Variants in AGBL4 observed in about 807,000 individuals in gnomAD.
AGBL4 encodes AGBL carboxypeptidase 4.
Under a neutral mutation model 66.4 loss-of-function variants are expected in AGBL4, and 58 were observed. That is an observed-to-expected ratio of 0.87 (90% CI 0.71 to 1.09). The LOEUF (loss-of-function observed/expected upper bound fraction) is 1.09. Ranked by LOEUF, AGBL4 falls within the 50% of genes least tolerant of loss-of-function variation. AGBL4 has a pLI of 0.00. For synonymous variants in AGBL4, 234 were observed against 222.9 expected (o/e 1.05, Z -0.44); for missense variants, 579 against 631.0 (o/e 0.92, Z 0.88).
At chr1:49,739,506 C>T (rs1650226598) in intron 2 of AGBL4, among the ~76,000 whole-genome samples, 1 of 152,138 alleles carries the variant, frequency 6.6e-6, no homozygotes, top group Non-Finnish European at 1.5e-5. Flanking sequence ...GGAGAACTTC[C>T]CCAATCTAGC....
chr1:49,671,523 A>C (rs1646475945), intron 3 of AGBL4, among the ~76,000 whole-genome samples: 1 of 152,242 alleles, frequency 6.6e-6, no homozygotes, highest in African/African-American at 2.4e-5. Flanking sequence ...ACAGCAAAAG[A>C]AGCTATCAAC....
At chr1:48,728,310 CCT>C (rs1259162459) in intron 6 of AGBL4, among the ~76,000 whole-genome samples, 1 of 152,062 alleles carries the variant, frequency 6.6e-6, no homozygotes, top group African/African-American at 2.4e-5. Context: ...CTCCCAAGCA[CCT>C]GCAGGCCCCT....
At chr1:49,446,443 T>A (rs934645021) in intron 3 of AGBL4, among the ~76,000 whole-genome samples, 1 of 152,194 alleles carries the variant, frequency 6.6e-6, no homozygotes, top group Non-Finnish European at 1.5e-5. Context: ...TATTATTTCC[T>A]TGGCTGTAAA....
intron 6 of AGBL4, among the ~76,000 whole-genome samples, chr1:48,768,797 T>C (rs999229815): frequency 2.0e-5 from 3 of 152,178 alleles, no homozygotes; most frequent in Non-Finnish European, 4.4e-5. Context: ...GTTTAAAGTT[T>C]TTCATCTATA....
At chr1:49,011,853 G>A (rs1032991918) in intron 5 of AGBL4, among the ~76,000 whole-genome samples, 1 of 129,436 alleles carries the variant, frequency 7.7e-6, no homozygotes, top group Non-Finnish European at 1.6e-5. Context: ...GACACAGGAA[G>A]GGGAACATCA....
intron 8 of AGBL4, among the ~76,000 whole-genome samples, chr1:48,644,148 G>C (rs1196235790): frequency 1.3e-5 from 2 of 152,040 alleles, no homozygotes; most frequent in African/African-American, 4.8e-5. Flanking sequence ...AAAACACTTA[G>C]AATAGTGTCT....
At chr1:49,501,918 C>A (rs1570889981) in intron 3 of AGBL4, among the ~76,000 whole-genome samples, 1 of 151,898 alleles carries the variant, frequency 6.6e-6, no homozygotes, top group East Asian at 1.9e-4. Context: ...GTCAATTTTC[C>A]AAAATTTCTC....
chr1:49,123,434 A>G (rs1336827089), intron 4 of AGBL4, among the ~76,000 whole-genome samples: 6 of 152,210 alleles, frequency 3.9e-5, no homozygotes, highest in Non-Finnish European at 1.5e-5. Flanking sequence ...TACACAGAAA[A>G]TAGCCTAAAA....
chr1:49,316,205 C>T (rs1645036385), intron 3 of AGBL4, among the ~76,000 whole-genome samples: 1 of 151,912 alleles, frequency 6.6e-6, no homozygotes, highest in Admixed American at 6.6e-5. Context: ...TGTTATCATA[C>T]ATTTGTTAAA....
chr1:49,804,524 C>T (rs1644934092), intron 2 of AGBL4, among the ~76,000 whole-genome samples: 1 of 152,138 alleles, frequency 6.6e-6, no homozygotes, highest in Non-Finnish European at 1.5e-5. Context: ...GCAAGTAATT[C>T]ACACTATACT....
chr1:49,603,226 G>A (rs1012677731), intron 3 of AGBL4, among the ~76,000 whole-genome samples: 3 of 152,050 alleles, frequency 2.0e-5, no homozygotes, highest in Non-Finnish European at 2.9e-5. Context: ...TATTATATAG[G>A]GACTGTCCAC....
chr1:49,686,624 A>C (rs1008215666), intron 3 of AGBL4, among the ~76,000 whole-genome samples: 1 of 152,244 alleles, frequency 6.6e-6, no homozygotes, highest in Non-Finnish European at 1.5e-5. Context: ...ATAGAAAATA[A>C]GCTTCTCCAG....
chr1:48,688,144 G>A (rs1646564369), intron 6 of AGBL4, among the ~76,000 whole-genome samples: 1 of 152,152 alleles, frequency 6.6e-6, no homozygotes, highest in Admixed American at 6.5e-5. Flanking sequence ...AGAGAAGGAG[G>A]GAGGAAGAGA....
chr1:49,741,984 C>T (rs185279388), intron 2 of AGBL4, among the ~76,000 whole-genome samples: 5 of 152,254 alleles, frequency 3.3e-5, no homozygotes, highest in Admixed American at 3.3e-4. Flanking sequence ...CCTTTGAAAA[C>T]TGGCACAAGA....
Position 48,749,341 on chromosome 1 carries a change from C to T in AGBL4, c.635-86100G>A, listed in dbSNP as rs888084896. 2.6e-5 allele frequency among the ~76,000 whole-genome samples: 4 copies of T among 152,206 alleles called. 1 individual carries two copies. Among genetic ancestry groups the T allele is most frequent in the African/African-American group, 9.7e-5 (4 of 41,450 alleles). On this transcript the variant is annotated intron_variant, in intron 6 of 13. Coordinates refer to ENST00000371839, the MANE Select transcript of AGBL4 (RefSeq NM_032785.4). ...CGAGGGGATGTTCCTGCTATATCCC[C>T]AGCACCCAGCGCAATGTCCTCCATA...
intron 3 of AGBL4, among the ~76,000 whole-genome samples, chr1:49,593,473 T>C (rs922360219): frequency 6.6e-6 from 1 of 152,058 alleles, no homozygotes; most frequent in Non-Finnish European, 1.5e-5. Context: ...ATACATAAAC[T>C]CTATATACCA....
intron 4 of AGBL4, among the ~76,000 whole-genome samples, chr1:49,087,963 T>G (rs907032166): frequency 6.6e-6 from 1 of 152,134 alleles, no homozygotes; most frequent in African/African-American, 2.4e-5. Context: ...AAATTCTACT[T>G]AAGAGTTTTA....
At chr1:48,800,805 C>T (rs1277455725) in intron 6 of AGBL4, among the ~76,000 whole-genome samples, 2 of 152,170 alleles carry the variant, frequency 1.3e-5, no homozygotes, top group African/African-American at 2.4e-5. Context: ...GGGACGTAAG[C>T]TTGCCCTAAT....
intron 3 of AGBL4, among the ~76,000 whole-genome samples, chr1:49,619,857 A>G (rs1199994372): frequency 1.3e-5 from 2 of 152,200 alleles, no homozygotes; most frequent in Admixed American, 1.3e-4. Flanking sequence ...CCTGACAAAA[A>G]CAAGCAATGG....
Sources: gnomAD v4.1 joint callset for allele counts (sites outside exome capture counted in the v4.1 genomes callset) on GRCh38, gnomAD v4.1.1 for gene constraint, MANE v1.5 for transcripts, NCBI Gene and HGNC (gene_info 2026-07-23, HGNC 2026-07-21) for gene names.